Variants in RBBP8 observed in about 807,000 individuals in gnomAD.
RBBP8 encodes the protein RB binding protein 8, endonuclease.
A neutral mutation model predicts 108.3 loss-of-function variants in RBBP8; 88 were observed. The observed-to-expected ratio is 0.81, with a 90% CI of 0.68 to 0.97. The LOEUF is 0.97. Among genes scored for constraint, RBBP8 ranks in the 50% least tolerant of loss-of-function variants. RBBP8 has a pLI of 0.00. For missense variants in RBBP8, 1,023 were observed against 1,049.0 expected (o/e 0.98, Z 0.34); for synonymous variants, 332 against 348.2 (o/e 0.95, Z 0.52).
At chr18:22,935,466 T>C (rs1326015679) in intron 1 of RBBP8, among the ~76,000 whole-genome samples, 1 of 152,110 alleles carries the variant, frequency 6.6e-6, no homozygotes, top group Admixed American at 6.5e-5. Context: ...CCAGCTCATA[T>C]TTAGTTTCTG....
upstream of RBBP8, among the ~76,000 whole-genome samples, chr18:22,929,997 C>T (rs1319423897): frequency 2.0e-5 from 3 of 152,202 alleles, no homozygotes; most frequent in Admixed American, 6.5e-5. Context: ...CTTCACAACA[C>T]TCAACTACCC....
intron 4 of RBBP8, among the ~76,000 whole-genome samples, chr18:22,953,146 A>G (rs1912187031): frequency 6.6e-6 from 1 of 152,206 alleles, no homozygotes; most frequent in Admixed American, 6.5e-5. Context: ...AGGGAAGAGG[A>G]TACTGTACTT....
At chr18:22,967,593 A>G (rs1274848278) in intron 4 of RBBP8, among the ~76,000 whole-genome samples, 1 of 151,614 alleles carries the variant, frequency 6.6e-6, no homozygotes, top group African/African-American at 2.4e-5. Context: ...TGCTTGTGTG[A>G]TATGTGTTTT....
At chr18:23,015,266 AAGTT>A (rs1176157362) in intron 16 of RBBP8, among the ~76,000 whole-genome samples, 4 of 152,200 alleles carry the variant, frequency 2.6e-5, no homozygotes, top group Admixed American at 1.3e-4. Context: ...TGGGCAGAAG[AAGTT>A]AGTCCTGAAA....
At chr18:22,975,312 T>A in intron 6 of RBBP8, 93 bp downstream of exon 6, 1 of 1,523,310 alleles carries the variant, frequency 6.6e-7, no homozygotes. Flanking sequence ...ATTTTAAAAA[T>A]TATGAAGTGT....
chr18:22,968,078 T>A (rs1913771172), intron 4 of RBBP8, among the ~76,000 whole-genome samples: 1 of 149,478 alleles, frequency 6.7e-6, no homozygotes. Flanking sequence ...AAAAAAAAAT[T>A]TTTTTTTTTT....
chr18:22,943,763 C>T (rs1442030412), intron 2 of RBBP8, among the ~76,000 whole-genome samples: 2 of 152,064 alleles, frequency 1.3e-5, no homozygotes, highest in East Asian at 3.9e-4. Flanking sequence ...AATGACAGTA[C>T]ATACATTTTA....
intron 15 of RBBP8, among the ~76,000 whole-genome samples, chr18:23,003,834 G>A (rs948854385): frequency 5.3e-5 from 8 of 151,914 alleles, no homozygotes; most frequent in South Asian, 2.1e-4. Context: ...CAAGGCGGGC[G>A]GATCACGAGG....
At position 22,968,914 on chromosome 18, in the gene RBBP8, A is replaced by C. The variant is rs749299762; in HGVS notation, c.357A>C (p.Glu119Asp). The C allele has an allele frequency of 2.5e-6, 4 of 1,601,240 alleles. No homozygotes were observed. In the Admixed American group the frequency reaches 6.7e-5, roughly 27 times the overall value. The change falls in exon 5 of 19, where the codon GAA (glutamate) becomes GAC (aspartate). Residue 119 changes from glutamate (E) to aspartate (D), a missense_variant. Glu to Asp is a conservative substitution (Grantham distance 45). Transcript: ENST00000327155. ...IRQQNLKLIT[E>D]LMNERNTLQE... Reference sequence around the variant, plus strand: ...AGCAGAATCTTAAACTTATTACAGAACTTAGTGAGTTTCCTTTCTTCATTT... The same window carrying C: ...AGCAGAATCTTAAACTTATTACAGACCTTAGTGAGTTTCCTTTCTTCATTT...
At chr18:23,015,050 T>C (rs149335444) in intron 16 of RBBP8, among the ~76,000 whole-genome samples, 69 of 152,262 alleles carry the variant, frequency 4.5e-4, no homozygotes, top group Non-Finnish European at 8.2e-4. Flanking sequence ...CACAGCCAGC[T>C]AATTTTTTAT....
At chr18:22,986,569 A>G (rs62095207) in intron 8 of RBBP8, among the ~76,000 whole-genome samples, 32,054 of 151,950 alleles carry the variant, frequency 0.21, 4,510 homozygotes, top group African/African-American at 0.41. Flanking sequence ...TTTTTTCAAG[A>G]TGGAATATTA....
intron 15 of RBBP8, among the ~76,000 whole-genome samples, chr18:23,002,414 ATAAT>A (rs1403596452): frequency 1.3e-5 from 2 of 152,166 alleles, no homozygotes; most frequent in Non-Finnish European, 2.9e-5. Context: ...CAAAAAAATA[ATAAT>A]TAATTAATTA....
intron 17 of RBBP8, among the ~76,000 whole-genome samples, chr18:23,017,253 G>A (rs2046272215): frequency 6.6e-6 from 1 of 151,976 alleles, no homozygotes; most frequent in Non-Finnish European, 1.5e-5. Context: ...TACTCAGAAG[G>A]CTGAGGCAGG....
chr18:23,006,519 A>T, intron 16 of RBBP8, 87 bp downstream of exon 16: 257 of 1,082,850 alleles, frequency 2.4e-4, no homozygotes, highest in East Asian at 3.0e-4. Context: ...CTTTTTTTTT[A>T]AAGACAGAGT....
chr18:23,005,117 C>G (rs1408754784), intron 15 of RBBP8, among the ~76,000 whole-genome samples: 1 of 152,070 alleles, frequency 6.6e-6, no homozygotes, highest in Non-Finnish European at 1.5e-5. Flanking sequence ...GAGCCTAGAT[C>G]ATGCCACTGC....
At chr18:22,968,165 C>T (rs184160309) in intron 4 of RBBP8, among the ~76,000 whole-genome samples, 4 of 151,842 alleles carry the variant, frequency 2.6e-5, no homozygotes, top group Admixed American at 6.6e-5. Context: ...CTCCACCTCC[C>T]GGGTTCAAGC....
At chr18:23,019,254 C>G (rs2046310040) in intron 17 of RBBP8, among the ~76,000 whole-genome samples, 1 of 152,190 alleles carries the variant, frequency 6.6e-6, no homozygotes. Context: ...AGCTATTTTG[C>G]TAGAAACACT....
chr18:22,993,779 A>T lies in RBBP8; in HGVS notation c.1871A>T (p.Glu624Val). ...IQTRSDHGGC[E>V]LASVLQLNPC... Reference sequence around the variant, plus strand: ...ACCAGGTCAGACCATGGAGGATGTGAACTTGCATCAGTTCTTCAGTTAAAT... The same window carrying T: ...ACCAGGTCAGACCATGGAGGATGTGTACTTGCATCAGTTCTTCAGTTAAAT... Residue 624 changes from glutamate to valine, a missense_variant, in exon 12 of 19, where the codon GAA becomes GTA. Coordinates refer to ENST00000327155, the MANE Select transcript of RBBP8 (RefSeq NM_002894.3). The T allele has an allele frequency of 6.2e-6, 10 of 1,613,988 alleles. No homozygotes were observed. Among genetic ancestry groups the T allele is most frequent in the Non-Finnish European group, 8.5e-6 (10 of 1,179,888 alleles).
intron 6 of RBBP8, among the ~76,000 whole-genome samples, chr18:22,975,749 C>T (rs931865395): frequency 1.1e-4 from 16 of 152,110 alleles, no homozygotes; most frequent in Non-Finnish European, 2.2e-4. Flanking sequence ...GTTTTATTAT[C>T]CCCACTTTAC....
Sources: gnomAD v4.1 joint callset for allele counts (sites outside exome capture counted in the v4.1 genomes callset) on GRCh38, gnomAD v4.1.1 for gene constraint, MANE v1.5 for transcripts, NCBI Gene and HGNC (gene_info 2026-07-23, HGNC 2026-07-21) for gene names.